Variants in TRPS1 observed in about 807,000 individuals in gnomAD.
The protein encoded by TRPS1 is transcriptional repressor GATA binding 1, also known as zinc finger transcription factor Trps1.
TRPS1 carries 6 observed loss-of-function variants against 101.2 expected under a neutral mutation model. The observed-to-expected ratio is 0.06, with a 90% CI of 0.03 to 0.12. TRPS1 has a LOEUF of 0.12. TRPS1 is among the 10% of genes least tolerant of loss of function. The pLI is 1.00. For synonymous variants in TRPS1, 578 were observed against 589.8 expected (o/e 0.98, Z 0.29); for missense variants, 1,363 against 1,567.0 (o/e 0.87, Z 2.20).
intron 3 of TRPS1, among the ~76,000 whole-genome samples, chr8:115,610,004 C>A (rs775816468): frequency 9.9e-5 from 15 of 152,236 alleles, no homozygotes; most frequent in African/African-American, 3.6e-4. Flanking sequence ...AATAATATGT[C>A]AAAGGAAAAT....
chr8:115,523,217 A>T (rs1364294570), intron 5 of TRPS1, among the ~76,000 whole-genome samples: 1 of 152,124 alleles, frequency 6.6e-6, no homozygotes, highest in Non-Finnish European at 1.5e-5. Context: ...GGGAAAGGCA[A>T]GAGGCTTAAA....
intron 5 of TRPS1, among the ~76,000 whole-genome samples, chr8:115,569,909 T>C (rs1817159889): frequency 6.6e-6 from 1 of 152,078 alleles, no homozygotes; most frequent in Admixed American, 6.6e-5. Context: ...GAGTCAATTT[T>C]ATTAAAAAAA....
chr8:115,654,607 A>G (rs1349839605), intron 1 of TRPS1, among the ~76,000 whole-genome samples: 3 of 152,318 alleles, frequency 2.0e-5, no homozygotes, highest in Admixed American at 1.3e-4. Flanking sequence ...TACTCTCTAT[A>G]TAGATAAATG....
chr8:115,574,368 C>G (rs1001609835), intron 5 of TRPS1, among the ~76,000 whole-genome samples: 1 of 152,128 alleles, frequency 6.6e-6, no homozygotes, highest in Non-Finnish European at 1.5e-5. Flanking sequence ...AATTCGGACA[C>G]TCACCAACAC....
chr8:115,592,958 T>G (rs1228957406), intron 4 of TRPS1, among the ~76,000 whole-genome samples: 1 of 152,162 alleles, frequency 6.6e-6, no homozygotes, highest in African/African-American at 2.4e-5. Context: ...CTGTATATAT[T>G]CAGCACTTTT....
chr8:115,421,257 T>C (rs1699132038), intron 5 of TRPS1, among the ~76,000 whole-genome samples: 1 of 152,158 alleles, frequency 6.6e-6, no homozygotes, highest in African/African-American at 2.4e-5. Flanking sequence ...AGTGCTGGGA[T>C]TACAGGCATA....
intron 5 of TRPS1, among the ~76,000 whole-genome samples, chr8:115,538,536 T>A (rs1179077170): frequency 2.0e-5 from 3 of 151,680 alleles, no homozygotes. Flanking sequence ...ACTACCCAAA[T>A]GACTATGAGT....
At chr8:115,487,689 A>G (rs1037508933) in intron 5 of TRPS1, among the ~76,000 whole-genome samples, 2 of 152,224 alleles carry the variant, frequency 1.3e-5, no homozygotes, top group African/African-American at 4.8e-5. Context: ...TGGTGGAAAT[A>G]GCAAGATAAC....
At chr8:115,548,169 G>A (rs1431351416) in intron 5 of TRPS1, among the ~76,000 whole-genome samples, 1 of 152,058 alleles carries the variant, frequency 6.6e-6, no homozygotes, top group Non-Finnish European at 1.5e-5. Flanking sequence ...AGGAGGTTGA[G>A]GCTGCAGTGA....
At chr8:115,564,597 G>A (rs999162395) in intron 5 of TRPS1, among the ~76,000 whole-genome samples, 1 of 152,046 alleles carries the variant, frequency 6.6e-6, no homozygotes, top group African/African-American at 2.4e-5. Flanking sequence ...AATAATTGGT[G>A]TACGTTTAAA....
At chr8:115,546,218 TTTAA>T (rs1816566654) in intron 5 of TRPS1, among the ~76,000 whole-genome samples, 1 of 151,660 alleles carries the variant, frequency 6.6e-6, no homozygotes, top group Admixed American at 6.6e-5. Context: ...AATTCTTGCA[TTTAA>T]TTAAATACAC....
chr8:115,509,565 T>C (rs1458261869), intron 5 of TRPS1: 3 of 152,022 alleles, frequency 2.0e-5, no homozygotes, highest in Non-Finnish European at 4.4e-5. Context: ...CAGTAAATGG[T>C]TCCTTCAAGA....
At chr8:115,597,684 C>T (rs2130473557) in intron 4 of TRPS1, among the ~76,000 whole-genome samples, 2 of 152,066 alleles carry the variant, frequency 1.3e-5, no homozygotes, top group South Asian at 2.1e-4. Flanking sequence ...TGTGGTGTGT[C>T]ATGTTTTCCC....
Position 115,619,646 on chromosome 8 carries a change from T to C in TRPS1, c.452A>G (p.Asp151Gly). 6.2e-7 allele frequency: 1 copy of C among 1,614,186 alleles called. No individual in the cohort carries two copies. The highest frequency in any genetic ancestry group is 8.5e-7 in the Non-Finnish European group (1 of 1,180,034). The stretch of plus-strand genomic sequence containing the variant: ...GTCCCCTGAGGGGGTGCAGGCCATA[T>C]CTTGAGGGTCATCTGCCTCTGCTCT... ...PQRAEADDPQ[D>G]MACTPSGDSL... Residue 151 changes from aspartate to glycine, a missense_variant, in exon 3 of 7, where the codon GAT (aspartate) becomes GGT (glycine). This residue lies in a region of TRPS1 where 1,020 missense variants were observed against 1,073.0 expected (regional missense o/e 0.95). Coordinates refer to ENST00000395715, the MANE Select transcript of TRPS1 (RefSeq NM_014112.5).
chr8:115,603,956 C>G lies in TRPS1; in HGVS notation c.2013G>C (p.Gln671His). 1 of 1,614,004 alleles carries G rather than the reference C, an allele frequency of 6.2e-7. No individual in the cohort carries two copies. The highest frequency in any genetic ancestry group is 8.5e-7 in the Non-Finnish European group (1 of 1,179,968). Reference sequence around the variant, plus strand: ...AGTGTTCTTTGCTTTCCTTGACAGACTGCTGCCCATCCGATCCTTGCAGGT... The same window carrying G: ...AGTGTTCTTTGCTTTCCTTGACAGAGTGCTGCCCATCCGATCCTTGCAGGT... ...ANHLQGSDGQQSVKESKEHSC... is the reference protein window; with the variant it reads ...ANHLQGSDGQHSVKESKEHSC... The change falls in exon 4 of 7, where the codon CAG becomes CAC. Residue 671 changes from glutamine to histidine, a missense_variant. Coordinates refer to ENST00000395715, the MANE Select transcript of TRPS1 (RefSeq NM_014112.5).
chr8:115,598,763 G>A (rs1423186796), intron 4 of TRPS1, among the ~76,000 whole-genome samples: 1 of 152,156 alleles, frequency 6.6e-6, no homozygotes, highest in Non-Finnish European at 1.5e-5. Context: ...ACTATTTGAT[G>A]TTTTTTCCAA....
At chr8:115,422,596 C>CCTCA (rs1308398964) in intron 5 of TRPS1, among the ~76,000 whole-genome samples, 1 of 152,116 alleles carries the variant, frequency 6.6e-6, no homozygotes, top group Non-Finnish European at 1.5e-5. Flanking sequence ...CAACTCCTGA[C>CCTCA]CTCAGGTGAT....
chr8:115,631,634 CATGG>C (rs57368306), intron 1 of TRPS1, among the ~76,000 whole-genome samples: 33,103 of 149,260 alleles, frequency 0.22, 8,821 homozygotes, highest in African/African-American at 0.64. Context: ...TTATTAGATG[CATGG>C]ATGGATGGAT....
intron 1 of TRPS1, among the ~76,000 whole-genome samples, chr8:115,660,225 T>C (rs1179751044): frequency 1.3e-5 from 2 of 152,020 alleles, no homozygotes; most frequent in Non-Finnish European, 2.9e-5. Flanking sequence ...TCACATTGTA[T>C]TGTAGAATCT....
Sources: gnomAD v4.1 joint callset for allele counts (sites outside exome capture counted in the v4.1 genomes callset) on GRCh38, gnomAD v4.1.1 for gene constraint, gnomAD v4.1.1 regional missense constraint, MANE v1.5 for transcripts, NCBI Gene and HGNC (gene_info 2026-07-23, HGNC 2026-07-21) for gene names.